GRIK5: variants seen among roughly 807,000 people sequenced by gnomAD.
The protein encoded by GRIK5 is glutamate ionotropic receptor kainate type subunit 5, also known as glutamate receptor ionotropic, kainate 5.
Under a neutral mutation model 97.4 loss-of-function variants are expected in GRIK5, and 43 were observed. The observed-to-expected ratio is 0.44, with a 90% CI of 0.35 to 0.57. GRIK5 has a LOEUF of 0.57. Among genes scored for constraint, GRIK5 ranks in the 20% least tolerant of loss-of-function variants. The pLI is 0.01. For missense variants in GRIK5, 1,015 were observed against 1,382.0 expected (o/e 0.73, Z 4.21); for synonymous variants, 580 against 583.5 (o/e 0.99, Z 0.09).
At chr19:42,038,029 C>A (rs1169882102) in intron 12 of GRIK5, among the ~76,000 whole-genome samples, 1 of 152,258 alleles carries the variant, frequency 6.6e-6, no homozygotes, top group Non-Finnish European at 1.5e-5. Flanking sequence ...TCCTGGGACC[C>A]TGACCTAAGA....
chr19:42,028,718 C>T (rs747905712), intron 12 of GRIK5, among the ~76,000 whole-genome samples: 12 of 152,354 alleles, frequency 7.9e-5, no homozygotes, highest in East Asian at 1.9e-4. Flanking sequence ...GATGTGGCCA[C>T]TTCCTGCCAT....
At chr19:42,041,117 T>C (rs1446329020) in intron 12 of GRIK5, among the ~76,000 whole-genome samples, 1 of 152,176 alleles carries the variant, frequency 6.6e-6, no homozygotes, top group Non-Finnish European at 1.5e-5. Context: ...CTTTTGAAAG[T>C]CAGTGCCCTA....
chr19:42,055,682 C>CT lies in GRIK5; in HGVS notation c.903+979dup, dbSNP rs1275068679. On this transcript the variant is annotated intron_variant, in intron 8 of 19. Transcript: ENST00000593562. ...AGGGGTGAAAAAATAGGTAGTTTACCTTTTTTTTTTCTTTTGAGACAGAGT... is the reference window on the plus strand; with the variant it reads ...AGGGGTGAAAAAATAGGTAGTTTACCTTTTTTTTTTTCTTTTGAGACAGAGT... Among the ~76,000 whole-genome samples, 20 of 149,548 alleles carry CT rather than the reference C, an allele frequency of 1.3e-4. No homozygotes were observed. In the East Asian group the frequency reaches 2.0e-3, roughly 15 times the overall value.
In GRIK5 at chr19:42,056,761, G is replaced by A; in HGVS notation, c.804C>T (p.Ser268=). 1 of 1,614,048 alleles carries A rather than the reference G, an allele frequency of 6.2e-7. No homozygotes were observed. Among genetic ancestry groups the A allele is most frequent in the Middle Eastern group, 1.7e-4 (1 of 6,060 alleles). The part of the protein sequence containing the change: ...VEDSSNILGF[S]MFNTSHPFYP... Reference sequence around the variant, plus strand: ...AGAAGGGGTGGGACGTGTTGAACATGGAGAAGCCCAGGATGTTGGAGGAGT... The same window carrying A: ...AGAAGGGGTGGGACGTGTTGAACATAGAGAAGCCCAGGATGTTGGAGGAGT... The change falls in exon 8 of 20, where the codon TCC becomes TCT. Residue 268 remains serine, a synonymous_variant. Coordinates refer to ENST00000593562, the MANE Select transcript of GRIK5 (RefSeq NM_002088.5).
rs377106126 is a variant in GRIK5 at position 42,065,352 on chromosome 19, C to T, written c.115G>A (p.Gly39Ser). 3.1e-5 allele frequency: 50 copies of T among 1,605,080 alleles called. No homozygotes were observed. The highest frequency in any genetic ancestry group is 1.4e-5 in the Non-Finnish European group (17 of 1,175,660). ...ILDDQTVCGR[G>S]ERLALALARE... ...GCCAAGGCCAAGGCCAGACGCTCAC[C>T]GCGGCCACACACTGTCTGATCATCC... The change falls in exon 3 of 20, where the codon GGT becomes AGT. Residue 39 changes from glycine (G) to serine (S), a missense_variant. By Grantham distance (56) the Gly-to-Ser change is moderately conservative. This residue lies in a region of GRIK5 where 198 missense variants were observed against 218.2 expected (regional missense o/e 0.91). Coordinates refer to ENST00000593562, the MANE Select transcript of GRIK5 (RefSeq NM_002088.5). This position sits in a 1 kb window ranked among gnomAD's most constrained non-coding sequence, Gnocchi z 5.8.
At position 41,999,090 on chromosome 19, in the gene GRIK5, G is replaced by A. The variant is rs782653698; in HGVS notation, c.2724C>T (p.Arg908=). 10 of 1,336,532 alleles carry A rather than the reference G, an allele frequency of 7.5e-6. No individual in the cohort carries two copies. In the South Asian group the frequency reaches 1.7e-4, roughly 23 times the overall value. 82.8% of individuals were successfully genotyped at this position (1,336,532 alleles called of 1,614,324 possible). ...DAGSAHGGPQ[R]LLDDPGPPSG... ...TGGGGGGCCCCGGGTCGTCCAGGAGGCGCTGCGGGCCCCCGTGCGCGCTGC... is the reference window on the plus strand; with the variant it reads ...TGGGGGGCCCCGGGTCGTCCAGGAGACGCTGCGGGCCCCCGTGCGCGCTGC... Residue 908 remains arginine (R), a synonymous_variant, in exon 20 of 20, where the codon CGC becomes CGT. Transcript: ENST00000593562. The surrounding 1 kb of genome is among the most constrained non-coding windows in gnomAD (Gnocchi z 5.0).
rs2075442935 is a variant in GRIK5, at chr19:42,003,110, T to C, written c.2514+222A>G. Reference sequence around the variant, plus strand: ...CATCCTGTCCCTCACCTCCTCTCCCTGCATCCTCATTGCTCCCTGTGCCTA... The same window carrying C: ...CATCCTGTCCCTCACCTCCTCTCCCCGCATCCTCATTGCTCCCTGTGCCTA... On this transcript the variant is annotated intron_variant, in intron 19 of 19. Coordinates refer to ENST00000593562, the MANE Select transcript of GRIK5 (RefSeq NM_002088.5). The surrounding 1 kb of genome is among the most constrained non-coding windows in gnomAD (Gnocchi z 4.2). Among the ~76,000 whole-genome samples the C allele has an allele frequency of 6.6e-6, 1 of 152,070 alleles. No individual in the cohort carries two copies. The highest frequency in any genetic ancestry group is 1.5e-5 in the Non-Finnish European group (1 of 68,002).
chr19:42,037,059 A>T (rs1257370888), intron 12 of GRIK5, among the ~76,000 whole-genome samples: 4 of 152,216 alleles, frequency 2.6e-5, no homozygotes, highest in African/African-American at 9.6e-5. Context: ...CATTCTTCTA[A>T]CTACACTCAC....
chr19:42,006,906 C>T lies in GRIK5; in HGVS notation c.1872-96G>A, dbSNP rs781923658. The stretch of plus-strand genomic sequence containing the variant: ...CATTGGTGGTGCCCCTCCCAAGTGA[C>T]CCCAGCATCTGGAAGACTCAGTGAC... On this transcript the variant is annotated intron_variant, in intron 15 of 19. Transcript: ENST00000593562. The surrounding 1 kb of genome is among the most constrained non-coding windows in gnomAD (Gnocchi z 5.3). 2.3e-6 allele frequency: 2 copies of T among 858,096 alleles called. No individual in the cohort carries two copies. Among genetic ancestry groups the T allele is most frequent in the Non-Finnish European group, 3.5e-6 (2 of 569,598 alleles). The allele number at this position is 858,096 out of a possible 1,614,324, so 53.2% of individuals were successfully genotyped here. A position where few individuals can be genotyped will look rare whatever the true frequency, so the allele number is the denominator to read the frequency against.
At chr19:42,066,501 G>A (rs1226231716) in intron 1 of GRIK5, among the ~76,000 whole-genome samples, 1 of 151,012 alleles carries the variant, frequency 6.6e-6, no homozygotes, top group Non-Finnish European at 1.5e-5. Context: ...AGAGAGAGAA[G>A]GGAGGAAACA....
Position 42,021,536 on chromosome 19 carries a change from G to A in GRIK5, c.1698-62C>T. 3 of 1,371,548 alleles carry A rather than the reference G, an allele frequency of 2.2e-6. No individual in the cohort carries two copies. Among genetic ancestry groups the A allele is most frequent in the Non-Finnish European group, 2.9e-6 (3 of 1,026,246 alleles). The allele number at this position is 1,371,548 out of a possible 1,614,324, so 85.0% of individuals were successfully genotyped here. A position where few individuals can be genotyped will look rare whatever the true frequency, so the allele number is the denominator to read the frequency against. On this transcript the variant is annotated intron_variant, in intron 14 of 19. Transcript: ENST00000593562. The surrounding 1 kb of genome is among the most constrained non-coding windows in gnomAD (Gnocchi z 4.2). ...AGCCCAGGTGGGGAGGAAAAGGAAA[G>A]AAGCAAAGGAAAGTCACAGTGATCA...
intron 15 of GRIK5, among the ~76,000 whole-genome samples, chr19:42,009,470 TAAA>T (rs77770415): frequency 7.6e-6 from 1 of 131,614 alleles, no homozygotes. Flanking sequence ...ACCTTATCTT[TAAA>T]AAAAAAAAAA....
At position 41,998,925 on chromosome 19, in the gene GRIK5, C is replaced by T. The variant is rs2075402419; in HGVS notation, c.2889G>A (p.Pro963=). The T allele has an allele frequency of 8.9e-7, 1 of 1,117,448 alleles. No individual in the cohort carries two copies. Among genetic ancestry groups the T allele is most frequent in the South Asian group, 4.3e-5 (1 of 23,192 alleles). The allele number at this position is 1,117,448 out of a possible 1,614,324, so 69.2% of individuals were successfully genotyped here. Residue 963 remains proline, a synonymous_variant, in exon 20 of 20, where the codon CCG becomes CCA. Transcript: ENST00000593562. Reference sequence around the variant, plus strand: ...CGGCGGGGCCAGGCCGCGGCCGGGGCGGGCTGGTGGCTTCGGCGGGGACGC... The same window carrying T: ...CGGCGGGGCCAGGCCGCGGCCGGGGTGGGCTGGTGGCTTCGGCGGGGACGC... The part of the protein sequence containing the change: ...GLGVPAEATS[P]PRPRPGPAGP...
intron 11 of GRIK5, among the ~76,000 whole-genome samples, chr19:42,052,392 T>TG (rs141159206): frequency 1.6e-3 from 249 of 152,068 alleles, no homozygotes; most frequent in Non-Finnish European, 2.4e-3. Flanking sequence ...CAGGGCTCCC[T>TG]GGGGAGGCTG....
intron 5 of GRIK5, among the ~76,000 whole-genome samples, chr19:42,060,735 C>G (rs1260150862): frequency 6.6e-6 from 1 of 151,944 alleles, no homozygotes; most frequent in East Asian, 1.9e-4. Context: ...GGCCTAGAAC[C>G]CTCTCCTCTC....
At chr19:42,008,340 T>A (rs1283018161) in intron 15 of GRIK5, among the ~76,000 whole-genome samples, 2 of 151,676 alleles carry the variant, frequency 1.3e-5, no homozygotes, top group Non-Finnish European at 2.9e-5. Flanking sequence ...TTTAAAAAAA[T>A]ACCAGGTTGG....
At chr19:42,034,443 T>TA (rs755514790) in intron 12 of GRIK5, among the ~76,000 whole-genome samples, 2 of 152,178 alleles carry the variant, frequency 1.3e-5, no homozygotes, top group Non-Finnish European at 2.9e-5. Context: ...CCCTGGGATG[T>TA]GGGCCCTGCT....
intron 6 of GRIK5, among the ~76,000 whole-genome samples, chr19:42,057,797 T>C (rs1397400034): frequency 6.6e-6 from 1 of 152,216 alleles, no homozygotes; most frequent in African/African-American, 2.4e-5. Flanking sequence ...TTTGCAATAA[T>C]AGCAGCCAGT....
intron 11 of GRIK5, among the ~76,000 whole-genome samples, chr19:42,048,793 C>T (rs2076076061): frequency 6.6e-6 from 1 of 152,044 alleles, no homozygotes; most frequent in Non-Finnish European, 1.5e-5. Context: ...AATCCCAGCA[C>T]TTTAGGAGGT....
Sources: gnomAD v4.1 joint callset for allele counts (sites outside exome capture counted in the v4.1 genomes callset) on GRCh38, gnomAD v4.1.1 for gene constraint, gnomAD v4.1.1 regional missense constraint, Gnocchi (gnomAD v3.1) non-coding constraint, MANE v1.5 for transcripts, NCBI Gene and HGNC (gene_info 2026-07-23, HGNC 2026-07-21) for gene names.